The following SHLD1 variants were observed in gnomAD, a reference collection of about 807,000 sequenced individuals.
SHLD1 encodes the protein shieldin complex subunit 1.
Under a neutral mutation model 5.5 loss-of-function variants are expected in SHLD1, and 3 were observed. That is an observed-to-expected ratio of 0.54 (90% CI 0.25 to 1.40). The LOEUF is 1.40. Ranked by LOEUF, SHLD1 falls within the 40% of genes most tolerant of loss-of-function variation. SHLD1 has a pLI of 0.15. For synonymous variants in SHLD1, 92 were observed against 94.3 expected (o/e 0.98, Z 0.14); for missense variants, 210 against 244.4 (o/e 0.86, Z 0.94).
chr20:5,851,511 A>T (rs1158205498), intron 2 of SHLD1, among the ~76,000 whole-genome samples: 1 of 151,876 alleles, frequency 6.6e-6, no homozygotes, highest in Non-Finnish European at 1.5e-5. Flanking sequence ...AAAAAAAAGA[A>T]AAGAGAAGTC....
At chr20:5,828,270 CA>C (rs1425103380) in intron 2 of SHLD1, among the ~76,000 whole-genome samples, 1 of 152,138 alleles carries the variant, frequency 6.6e-6, no homozygotes, top group East Asian at 1.9e-4. Flanking sequence ...TCCGTAAGGG[CA>C]GGGGCCATAT....
At chr20:5,819,932 G>A (rs749354375) in intron 2 of SHLD1, among the ~76,000 whole-genome samples, 3 of 152,064 alleles carry the variant, frequency 2.0e-5, no homozygotes, top group Non-Finnish European at 2.9e-5. Context: ...GGACTTGACA[G>A]TGTTTTTTTT....
intron 2 of SHLD1, among the ~76,000 whole-genome samples, chr20:5,803,799 G>A (rs940233904): frequency 7.9e-5 from 12 of 151,768 alleles, no homozygotes; most frequent in Admixed American, 3.3e-4. Flanking sequence ...TTGAAGCTGG[G>A]AGGTGGAGGT....
At chr20:5,856,177 C>T (rs2088081435) in intron 2 of SHLD1, among the ~76,000 whole-genome samples, 2 of 152,222 alleles carry the variant, frequency 1.3e-5, no homozygotes, top group African/African-American at 2.4e-5. Context: ...CTGAGAAGGC[C>T]TCACTGATTA....
chr20:5,800,925 T>C (rs2087284374), intron 2 of SHLD1, among the ~76,000 whole-genome samples: 1 of 152,078 alleles, frequency 6.6e-6, no homozygotes. Context: ...TGAGCATCAT[T>C]GAAAGGCTGT....
intron 2 of SHLD1, among the ~76,000 whole-genome samples, chr20:5,844,944 G>A (rs752559257): frequency 1.3e-4 from 20 of 151,330 alleles, no homozygotes; most frequent in South Asian, 1.0e-3. Flanking sequence ...ACAGGTGCAC[G>A]CCACCATGCC....
chr20:5,783,066 G>T (rs2087009057), intron 2 of SHLD1, among the ~76,000 whole-genome samples: 1 of 152,170 alleles, frequency 6.6e-6, no homozygotes, highest in Admixed American at 6.6e-5. Flanking sequence ...GGAAAGAAGG[G>T]AACAATGGTT....
chr20:5,846,121 T>A (rs1363902711), intron 2 of SHLD1, among the ~76,000 whole-genome samples: 1 of 152,228 alleles, frequency 6.6e-6, no homozygotes, highest in African/African-American at 2.4e-5. Context: ...TTATTGCAAA[T>A]GTCAACACTG....
intron 2 of SHLD1, among the ~76,000 whole-genome samples, chr20:5,842,320 C>T (rs2087873978): frequency 6.6e-6 from 1 of 152,216 alleles, no homozygotes; most frequent in Non-Finnish European, 1.5e-5. Flanking sequence ...ATTTCAAGCA[C>T]TTTTAGAAAA....
intron 2 of SHLD1, among the ~76,000 whole-genome samples, chr20:5,796,352 A>T (rs1836837104): frequency 6.6e-6 from 1 of 152,358 alleles, no homozygotes; most frequent in African/African-American, 2.4e-5. Context: ...AAAGGCATAG[A>T]AAAATCATAA....
intron 1 of SHLD1, among the ~76,000 whole-genome samples, chr20:5,762,815 T>G (rs2122203076): frequency 6.6e-6 from 1 of 151,284 alleles, no homozygotes; most frequent in African/African-American, 2.4e-5. Context: ...TTTACTAAAA[T>G]ACAAAAAATT....
chr20:5,758,856 G>A (rs1009380061), intron 1 of SHLD1, among the ~76,000 whole-genome samples: 5 of 151,710 alleles, frequency 3.3e-5, no homozygotes, highest in Non-Finnish European at 5.9e-5. Flanking sequence ...CCAATTGTGG[G>A]GTCTTTTGAG....
intron 1 of SHLD1, among the ~76,000 whole-genome samples, chr20:5,760,064 C>T (rs1328021150): frequency 6.6e-6 from 1 of 152,080 alleles, no homozygotes; most frequent in Non-Finnish European, 1.5e-5. Flanking sequence ...GTCTCCTTAT[C>T]TTTAAATATT....
chr20:5,762,557 G>A (rs1984525106), intron 1 of SHLD1, among the ~76,000 whole-genome samples: 1 of 152,170 alleles, frequency 6.6e-6, no homozygotes, highest in Non-Finnish European at 1.5e-5. Context: ...CTCACCTGCA[G>A]GATTTGGGGA....
At chr20:5,829,326 A>G (rs1031809193) in intron 2 of SHLD1, among the ~76,000 whole-genome samples, 6 of 152,222 alleles carry the variant, frequency 3.9e-5, no homozygotes, top group African/African-American at 1.4e-4. Flanking sequence ...ATTACTCACT[A>G]ATCTTTTTAT....
intron 2 of SHLD1, among the ~76,000 whole-genome samples, chr20:5,819,274 A>C (rs2087577831): frequency 6.6e-6 from 1 of 152,138 alleles, no homozygotes; most frequent in Non-Finnish European, 1.5e-5. Flanking sequence ...AGGTTATGAG[A>C]CCTGAGGGTC....
chr20:5,844,799 A>ATTT (rs1161478171), intron 2 of SHLD1, among the ~76,000 whole-genome samples: 746 of 71,664 alleles, frequency 0.01, 6 homozygotes, highest in Non-Finnish European at 0.019. Context: ...ATATATATAT[A>ATTT]TTTTTTTTTT....
intron 2 of SHLD1, among the ~76,000 whole-genome samples, chr20:5,810,878 ACT>A (rs200985580): frequency 0.011 from 1,505 of 131,524 alleles, 20 homozygotes; most frequent in African/African-American, 0.039. Flanking sequence ...CCAGAGTGAG[ACT>A]CTGTCTCAAA....
intron 2 of SHLD1, among the ~76,000 whole-genome samples, chr20:5,835,621 G>C (rs1036585050): frequency 2.0e-5 from 3 of 152,134 alleles, no homozygotes; most frequent in Admixed American, 1.3e-4. Flanking sequence ...CAGCATGTGA[G>C]TGCCAGGGCT....
Sources: gnomAD v4.1 joint callset for allele counts (sites outside exome capture counted in the v4.1 genomes callset) on GRCh38, gnomAD v4.1.1 for gene constraint, MANE v1.5 for transcripts, NCBI Gene and HGNC (gene_info 2026-07-23, HGNC 2026-07-21) for gene names.